The following CENPI variants were observed in gnomAD, a reference collection of about 807,000 sequenced individuals.
CENPI encodes the protein centromere protein I, also known as FSH primary response 1.
A neutral mutation model predicts 60.4 loss-of-function variants in CENPI; 4 were observed. The observed-to-expected ratio is 0.07, with a 90% CI of 0.03 to 0.15. The LOEUF (loss-of-function observed/expected upper bound fraction) is 0.15, where lower values mean the gene tolerates loss of function less well. Among genes scored for constraint, CENPI ranks in the 10% least tolerant of loss-of-function variants. The pLI, the probability that CENPI is intolerant of heterozygous loss-of-function variation, is 1.00. For synonymous variants in CENPI, 157 were observed against 189.4 expected, an observed-to-expected ratio of 0.83 and a Z score of 1.40; for missense variants, 444 against 534.5, an observed-to-expected ratio of 0.83 and a Z score of 1.67.
chrX:101,163,262 T>G lies in CENPI; in HGVS notation c.*295T>G. 4.5e-6 allele frequency: 1 copy of G among 224,676 alleles called. No homozygotes were observed. The highest frequency in any genetic ancestry group is 1.3e-4 in the East Asian group (1 of 7,903). 18.5% of individuals were successfully genotyped at this position (224,676 alleles called of 1,213,427 possible). A position where few individuals can be genotyped will look rare whatever the true frequency, so the allele number is the denominator to read the frequency against. ...TGTTTTGTGGTAGGATTTTTTCACA[T>G]TTTTGGGTACTATGAGCTGCATTGA... On this transcript the variant is annotated 3_prime_UTR_variant, in exon 22 of 22. Coordinates refer to ENST00000682095, the MANE Select transcript of CENPI (RefSeq NM_001386188.2).
chrX:101,179,095 A>G, the CENPI span, among the ~76,000 whole-genome samples: 1 of 112,029 alleles, frequency 8.9e-6, no homozygotes, highest in African/African-American at 3.2e-5. Flanking sequence ...ATGTTGTGCA[A>G]CTACCACCAA....
intron 15 of CENPI, among the ~76,000 whole-genome samples, chrX:101,139,068 C>T (rs1174007163): frequency 1.0e-5 from 1 of 95,463 alleles, no homozygotes; most frequent in African/African-American, 4.0e-5. Context: ...GGATTACAGA[C>T]GTGAGCCACC....
the CENPI span, among the ~76,000 whole-genome samples, chrX:101,173,265 C>T: frequency 0.025 from 2,613 of 104,915 alleles, 94 homozygotes; most frequent in African/African-American, 0.087. Flanking sequence ...CTGCCCTCCT[C>T]GGCCTCCCAA....
chrX:101,175,133 G>A, the CENPI span, among the ~76,000 whole-genome samples: 1 of 112,029 alleles, frequency 8.9e-6, no homozygotes, highest in Admixed American at 9.5e-5. Flanking sequence ...AAACCAAGTC[G>A]AAATATTTTT....
chrX:101,130,907 T>G (rs1214069932), intron 13 of CENPI, among the ~76,000 whole-genome samples: 1 of 112,183 alleles, frequency 8.9e-6, no homozygotes, highest in African/African-American at 3.2e-5. Context: ...CATCCACACA[T>G]TACGAGCTCC....
the CENPI span, among the ~76,000 whole-genome samples, chrX:101,172,528 A>G: frequency 8.9e-6 from 1 of 111,828 alleles, no homozygotes; most frequent in Non-Finnish European, 1.9e-5. Context: ...GAAATAATCC[A>G]ATCACAAAAC....
At chrX:101,110,025 CATCA>C in intron 6 of CENPI, 27 bp downstream of exon 6, 6 of 932,641 alleles carry the variant, frequency 6.4e-6, no homozygotes, top group Non-Finnish European at 9.3e-6. Flanking sequence ...CAGCATTAGG[CATCA>C]ATCAAATAGT....
At position 101,109,934 on chromosome X, in the gene CENPI, A is replaced by T. The variant is rs757861010; in HGVS notation, c.527A>T (p.Asp176Val). Residue 176 changes from aspartate to valine, a missense_variant, in exon 6 of 22, where the codon GAT becomes GTT. By Grantham distance (152) the Asp-to-Val change is radical (BLOSUM62 -3). Coordinates refer to ENST00000682095, the MANE Select transcript of CENPI (RefSeq NM_001386188.2). ...CTGGTTGCAATGTTTGACTTCATTG[A>T]TCGTAAGGAGCAAATTAACTTGCTC... is the stretch of plus-strand genomic sequence containing the variant. ...RWLVAMFDFIDRKEQINLLYG... is the reference protein window; with the variant it reads ...RWLVAMFDFIVRKEQINLLYG... 1.4e-5 allele frequency: 17 copies of T among 1,206,412 alleles called. No homozygotes were observed. Among genetic ancestry groups the T allele is most frequent in the Admixed American group, 2.2e-5 (1 of 45,573 alleles).
chrX:101,109,518 C>T lies in CENPI; in HGVS notation c.410C>T (p.Thr137Ile). Reference sequence around the variant, plus strand: ...ATATTGAAGTGCATGATCCCAGCAACAGTAATATCAGAAGATTCTGTGGTT... The same window carrying T: ...ATATTGAAGTGCATGATCCCAGCAATAGTAATATCAGAAGATTCTGTGGTT... ...TRILKCMIPA[T>I]VISEDSVVKA... Residue 137 changes from threonine (T) to isoleucine (I), a missense_variant, in exon 5 of 22, where the codon ACA becomes ATA. Coordinates refer to ENST00000682095, the MANE Select transcript of CENPI (RefSeq NM_001386188.2). 3 of 1,210,313 alleles carry T rather than the reference C, an allele frequency of 2.5e-6. No homozygotes were observed. Among genetic ancestry groups the T allele is most frequent in the Non-Finnish European group, 3.4e-6 (3 of 894,175 alleles).
intron 12 of CENPI, 112 bp from the exon 13 acceptor site, chrX:101,129,870 T>G: frequency 3.9e-6 from 2 of 512,789 alleles, no homozygotes; most frequent in Non-Finnish European, 6.8e-6. Context: ...CTAGGATGTA[T>G]GAGACTTATG....
At chrX:101,103,755 T>C (rs150259132) in intron 4 of CENPI, among the ~76,000 whole-genome samples, 9 of 112,295 alleles carry the variant, frequency 8.0e-5, no homozygotes, top group Non-Finnish European at 1.9e-5. Flanking sequence ...TTTTTGTGTG[T>C]GTGTTTGGGC....
chrX:101,118,189 G>C (rs950469967), intron 6 of CENPI, among the ~76,000 whole-genome samples: 3 of 111,651 alleles, frequency 2.7e-5, no homozygotes, highest in African/African-American at 6.5e-5. Context: ...TATAGGTAAG[G>C]TAGAGGTAGT....
intron 20 of CENPI, among the ~76,000 whole-genome samples, chrX:101,153,256 C>G (rs993176992): frequency 1.8e-5 from 2 of 108,691 alleles, no homozygotes; most frequent in Non-Finnish European, 3.8e-5. Context: ...CTATCAGACT[C>G]TGCTCATTTT....
intron 12 of CENPI, among the ~76,000 whole-genome samples, chrX:101,129,615 T>TAA (rs1454160787): frequency 2.0e-4 from 22 of 111,999 alleles, no homozygotes; most frequent in Non-Finnish European, 3.2e-4. Context: ...GTATCACTCT[T>TAA]ACATTATACC....
At chrX:101,150,432 G>T (rs774614281) in intron 20 of CENPI, among the ~76,000 whole-genome samples, 1 of 109,253 alleles carries the variant, frequency 9.2e-6, no homozygotes, top group Non-Finnish European at 1.9e-5. Flanking sequence ...GTGCAGTGTC[G>T]CAATCTCGGC....
intron 12 of CENPI, 38 bp from the exon 13 acceptor site, chrX:101,129,937 TATTGTGG>T (rs914624445): frequency 3.3e-6 from 3 of 910,842 alleles, no homozygotes; most frequent in Non-Finnish European, 4.7e-6. Flanking sequence ...TGCACTTTTT[TATTGTGG>T]TACAACTAGA....
At chrX:101,162,186 C>T (rs1302566223) in intron 21 of CENPI, among the ~76,000 whole-genome samples, 5 of 109,545 alleles carry the variant, frequency 4.6e-5, no homozygotes, top group Admixed American at 3.0e-4. Context: ...GTGATCTGCC[C>T]GCCTTGGCCT....
At chrX:101,111,003 C>A (rs1929104416) in intron 6 of CENPI, among the ~76,000 whole-genome samples, 1 of 111,089 alleles carries the variant, frequency 9.0e-6, no homozygotes, top group Admixed American at 9.7e-5. Context: ...TTTAGGAGAC[C>A]TTAAATAGAC....
At chrX:101,107,667 G>A (rs1223175868) in intron 4 of CENPI, among the ~76,000 whole-genome samples, 1 of 104,843 alleles carries the variant, frequency 9.5e-6, no homozygotes, top group Admixed American at 1.0e-4. Flanking sequence ...AAAATTCATT[G>A]TTTTATTTTT....
Sources: gnomAD v4.1 joint callset for allele counts (sites outside exome capture counted in the v4.1 genomes callset) on GRCh38, gnomAD v4.1.1 for gene constraint, MANE v1.5 for transcripts, NCBI Gene and HGNC (gene_info 2026-07-23, HGNC 2026-07-21) for gene names.